RIF1: variants seen among roughly 807,000 people sequenced by gnomAD.
The protein encoded by RIF1 is telomere-associated protein RIF1.
A neutral mutation model predicts 247.1 loss-of-function variants in RIF1; 45 were observed. That is an observed-to-expected ratio of 0.18 (90% CI 0.14 to 0.23). The LOEUF is 0.23. RIF1 is among the 10% of genes least tolerant of loss of function. The probability of loss-of-function intolerance (pLI) is 1.00; values close to 1 mark genes in which losing one functional copy is unlikely to be tolerated. For missense variants in RIF1, 2,967 were observed against 2,862.5 expected (o/e 1.04, Z -0.83); for synonymous variants, 1,087 against 978.8 (o/e 1.11, Z -2.06).
At chr2:151,531,188 A>G in the RIF1 span, 1 of 838,586 alleles carries the variant, frequency 1.2e-6, no homozygotes, top group Non-Finnish European at 2.0e-6. Flanking sequence ...TTCCTGAGTG[A>G]ATATAAAGGA....
chr2:151,416,388 C>G (rs1687228761), intron 4 of RIF1, among the ~76,000 whole-genome samples, 173 bp from the exon 5 acceptor site: 1 of 152,132 alleles, frequency 6.6e-6, no homozygotes, highest in Admixed American at 6.5e-5. Flanking sequence ...CCCCTCTAAT[C>G]TGAATTTTGT....
At chr2:151,531,052 G>T in the RIF1 span, 1 of 1,613,638 alleles carries the variant, frequency 6.2e-7, no homozygotes, top group Non-Finnish European at 8.5e-7. Context: ...GTCGTGGATT[G>T]TGGTGTAGCC....
At chr2:151,525,421 C>T in the RIF1 span, 2 of 633,076 alleles carry the variant, frequency 3.2e-6, no homozygotes, top group Non-Finnish European at 5.5e-6. Context: ...TCTAGTTCTT[C>T]TCTGTCATTT....
chr2:151,508,189 G>A (rs996849700), downstream of RIF1: 1 of 871,040 alleles, frequency 1.1e-6, no homozygotes, highest in Non-Finnish European at 1.8e-6. Flanking sequence ...GGCTATTTTA[G>A]CCCTTCCAGG....
Position 151,422,081 on chromosome 2 carries a change from C to T in RIF1, c.694-869C>T, listed in dbSNP as rs535461067. Among the ~76,000 whole-genome samples, 787 of 152,188 alleles carry T rather than the reference C, an allele frequency of 5.2e-3. 9 individuals carry two copies. The highest frequency in any genetic ancestry group is 0.018 in the African/African-American group (750 of 41,504). ...TCCTGACCTTGTGATCCGCCCGCCT[C>T]GGCCTCCCAAAGTGCTGAGATTGCA... On this transcript the variant is annotated intron_variant, in intron 7 of 35. Coordinates refer to ENST00000444746, the MANE Select transcript of RIF1 (RefSeq NM_018151.5).
chr2:151,439,429 C>A (rs1389857996), intron 14 of RIF1, among the ~76,000 whole-genome samples: 1 of 152,116 alleles, frequency 6.6e-6, no homozygotes, highest in Non-Finnish European at 1.5e-5. Flanking sequence ...CTTTGGGAGG[C>A]CGAGGCGGGC....
chr2:151,472,386 G>T (rs547262480), intron 34 of RIF1, among the ~76,000 whole-genome samples: 1 of 152,226 alleles, frequency 6.6e-6, no homozygotes, highest in South Asian at 2.1e-4. Flanking sequence ...TGATTGCCCT[G>T]GCCAGAACTT....
In RIF1 at chr2:151,463,314, C is replaced by T. The variant is rs1250746950; in HGVS notation, c.3794C>T (p.Ala1265Val). Reference protein sequence around the residue: ...TMIKTDFLPKAKQREGTFSKS... With the variant: ...TMIKTDFLPKVKQREGTFSKS... ...ATTAAAACAGATTTTCTACCAAAAGCAAAGCAAAGAGAAGGGACTTTTTCA... is the reference window on the plus strand; with the variant it reads ...ATTAAAACAGATTTTCTACCAAAAGTAAAGCAAAGAGAAGGGACTTTTTCA... The change falls in exon 30 of 36, where the codon GCA becomes GTA. Residue 1265 changes from alanine to valine, a missense_variant. This residue lies in a region of RIF1 where 2,028 missense variants were observed against 1,825.6 expected (regional missense o/e 1.11). Transcript: ENST00000444746. The T allele has an allele frequency of 6.2e-7, 1 of 1,612,810 alleles. No individual in the cohort carries two copies. The highest frequency in any genetic ancestry group is 8.5e-7 in the Non-Finnish European group (1 of 1,179,736).
At chr2:151,416,964 GT>G in intron 6 of RIF1, 63 bp downstream of exon 6, 5 of 1,259,184 alleles carry the variant, frequency 4.0e-6, no homozygotes, top group South Asian at 1.3e-5. Flanking sequence ...GAAGGAGAGG[GT>G]TTTTGGGATT....
In RIF1 at chr2:151,464,151, G is replaced by C; in HGVS notation, c.4631G>C (p.Gly1544Ala). Residue 1544 changes from glycine (G) to alanine (A), a missense_variant, in exon 30 of 36, where the codon GGT becomes GCT. By Grantham distance (60) the Gly-to-Ala change is moderately conservative (BLOSUM62 0). Coordinates refer to ENST00000444746, the MANE Select transcript of RIF1 (RefSeq NM_018151.5). ...TRYQTRRASQ[G>A]LLSSIENSES... ...TATCAAACTAGAAGAGCATCTCAGG[G>C]TTTGCTTTCCAGCATTGAAAACTCA... 6.2e-7 allele frequency: 1 copy of C among 1,610,064 alleles called. No individual in the cohort carries two copies. Among genetic ancestry groups the C allele is most frequent in the Non-Finnish European group, 8.5e-7 (1 of 1,179,078 alleles).
intron 15 of RIF1, among the ~76,000 whole-genome samples, chr2:151,440,573 A>G (rs1352518653): frequency 1.3e-5 from 2 of 152,146 alleles, no homozygotes; most frequent in Non-Finnish European, 2.9e-5. Flanking sequence ...TGAATTGGAT[A>G]TGATTTTGAG....
At chr2:151,432,103 G>T (rs111396095) in intron 9 of RIF1, among the ~76,000 whole-genome samples, 1 of 152,140 alleles carries the variant, frequency 6.6e-6, no homozygotes, top group African/African-American at 2.4e-5. Flanking sequence ...CTGCCTCCTG[G>T]GTCCAAGCGA....
the RIF1 span, among the ~76,000 whole-genome samples, chr2:151,524,862 T>G: frequency 6.6e-6 from 1 of 151,758 alleles, no homozygotes; most frequent in African/African-American, 2.4e-5. Context: ...GAGACAGGGT[T>G]TCACCATATT....
At position 151,428,936 on chromosome 2, in the gene RIF1, T is replaced by C. The variant is rs1222040798; in HGVS notation, c.925+14T>C. On this transcript the variant is annotated intron_variant, in intron 9 of 35. Transcript: ENST00000444746. ...CTTTAAATCCAGGTAAGTAATATTT[T>C]AACAATTTTGATTTTCTGTGAATTT... 4 of 1,399,310 alleles carry C rather than the reference T, an allele frequency of 2.9e-6. No individual in the cohort carries two copies. In the African/African-American group the frequency reaches 5.7e-5, roughly 20 times the overall value. The allele number at this position is 1,399,310 out of a possible 1,614,324, so 86.7% of individuals were successfully genotyped here.
chr2:151,412,185 G>C (rs937990106), intron 3 of RIF1, among the ~76,000 whole-genome samples: 1 of 151,986 alleles, frequency 6.6e-6, no homozygotes, highest in African/African-American at 2.4e-5. Context: ...CCTACTTAAT[G>C]GCTTCCTGAC....
downstream of RIF1, among the ~76,000 whole-genome samples, chr2:151,510,760 T>C (rs773191447): frequency 1.3e-5 from 2 of 152,220 alleles, no homozygotes; most frequent in Non-Finnish European, 2.9e-5. Flanking sequence ...TTAGGTATTG[T>C]CTGTAATTTC....
At chr2:151,532,810 A>C in the RIF1 span, among the ~76,000 whole-genome samples, 1 of 152,102 alleles carries the variant, frequency 6.6e-6, no homozygotes, top group Non-Finnish European at 1.5e-5. Flanking sequence ...GTTACCAATT[A>C]TCACTGTTTA....
intron 12 of RIF1, chr2:151,503,424 GT>G (rs2066272884): frequency 2.5e-6 from 4 of 1,610,188 alleles, no homozygotes; most frequent in Non-Finnish European, 3.4e-6. Context: ...CTGTTCCCAA[GT>G]TTTCTTTGTA....
At position 151,433,096 on chromosome 2, in the gene RIF1, A is replaced by T; in HGVS notation, c.945A>T (p.Lys315Asn). ...TTTAAGATATACTATGTAGTGCAAA[A>T]AGACTCAAGTTGTTAATGCAGCCTT... is the stretch of plus-strand genomic sequence containing the variant. The part of the protein sequence containing the change: ...ALNPDILCSA[K>N]RLKLLMQPLS... Residue 315 changes from lysine (K) to asparagine (N), a missense_variant, in exon 10 of 36, where the codon AAA becomes AAT. Coordinates refer to ENST00000444746, the MANE Select transcript of RIF1 (RefSeq NM_018151.5). 6.2e-7 allele frequency: 1 copy of T among 1,613,176 alleles called. No individual in the cohort carries two copies. Among genetic ancestry groups the T allele is most frequent in the Non-Finnish European group, 8.5e-7 (1 of 1,179,414 alleles).
Sources: allele counts gnomAD v4.1 joint callset (sites outside exome capture counted in the v4.1 genomes callset), GRCh38; gene constraint gnomAD v4.1.1; regional missense constraint gnomAD v4.1.1; transcripts MANE v1.5; gene names NCBI Gene and HGNC (gene_info 2026-07-23, HGNC 2026-07-21).